MGAT4C: variants seen among roughly 807,000 people sequenced by gnomAD.
The protein encoded by MGAT4C is MGAT4 family member C.
A neutral mutation model predicts 40.1 loss-of-function variants in MGAT4C; 19 were observed. That is an observed-to-expected ratio of 0.47 (90% CI 0.33 to 0.70). MGAT4C has a LOEUF of 0.70. MGAT4C is among the 30% of genes least tolerant of loss of function. The pLI is 0.02. For synonymous variants in MGAT4C, 181 were observed against 187.1 expected (o/e 0.97, Z 0.27); for missense variants, 491 against 563.2 (o/e 0.87, Z 1.30).
At chr12:86,643,737 A>C (rs1221147176) in intron 2 of MGAT4C, among the ~76,000 whole-genome samples, 2 of 151,828 alleles carry the variant, frequency 1.3e-5, no homozygotes, top group Admixed American at 6.6e-5. Flanking sequence ...GGGTTAATGA[A>C]GATATTCTGG....
intron 2 of MGAT4C, among the ~76,000 whole-genome samples, chr12:86,479,558 T>A (rs954157431): frequency 1.3e-5 from 2 of 151,634 alleles, no homozygotes; most frequent in South Asian, 2.1e-4. Flanking sequence ...ACCTTAGCTA[T>A]TTTTTTTATA....
chr12:86,008,373 C>G (rs1209304800), intron 2 of MGAT4C, among the ~76,000 whole-genome samples: 1 of 151,828 alleles, frequency 6.6e-6, no homozygotes, highest in African/African-American at 2.4e-5. Flanking sequence ...ATCTTTCATG[C>G]CTGTAAAATT....
chr12:86,303,255 T>G lies in MGAT4C; in HGVS notation c.-57+30810A>C, dbSNP rs927541015. Among the ~76,000 whole-genome samples the G allele has an allele frequency of 2.0e-5, 3 of 150,600 alleles. 1 individual carries two copies. The highest frequency in any genetic ancestry group is 7.5e-5 in the African/African-American group (3 of 40,000). ...AATCTAAGATGTTATTATTAATTGA[T>G]TATGTCTGTATTCCTTTCTCCAGAG... is the stretch of plus-strand genomic sequence containing the variant. On this transcript the variant is annotated intron_variant, in intron 4 of 7. Coordinates refer to the MGAT4C transcript ENST00000548651.
intron 3 of MGAT4C, among the ~76,000 whole-genome samples, chr12:86,406,100 C>T (rs1180325800): frequency 6.8e-6 from 1 of 146,776 alleles, no homozygotes; most frequent in African/African-American, 2.5e-5. Flanking sequence ...ACTTAAGTTT[C>T]ACCTAGTAAA....
chr12:86,378,993 A>G (rs555326385), intron 3 of MGAT4C, among the ~76,000 whole-genome samples: 37 of 152,248 alleles, frequency 2.4e-4, no homozygotes, highest in Admixed American at 4.6e-4. Context: ...TCTGAACTCT[A>G]TCTTTTGCCA....
chr12:86,711,978 T>C (rs1264125861), intron 2 of MGAT4C, among the ~76,000 whole-genome samples: 1 of 152,168 alleles, frequency 6.6e-6, no homozygotes, highest in Non-Finnish European at 1.5e-5. Flanking sequence ...ACTACAATTT[T>C]AAATGGAGAG....
chr12:86,463,195 C>T (rs1957628071), intron 2 of MGAT4C, among the ~76,000 whole-genome samples: 1 of 152,068 alleles, frequency 6.6e-6, no homozygotes, highest in South Asian at 2.1e-4. Flanking sequence ...TTTGCTATAT[C>T]CTTTCCATCA....
At chr12:86,728,796 TCTA>T (rs1950863655) in intron 1 of MGAT4C, among the ~76,000 whole-genome samples, 2 of 152,236 alleles carry the variant, frequency 1.3e-5, no homozygotes, top group Non-Finnish European at 2.9e-5. Context: ...AACATTATTG[TCTA>T]GTGTACAAAT....
chr12:86,712,776 C>A (rs549425847), intron 2 of MGAT4C, among the ~76,000 whole-genome samples: 2 of 152,162 alleles, frequency 1.3e-5, no homozygotes, highest in East Asian at 1.9e-4. Context: ...TGAGTTCACA[C>A]ATAAAAGGTA....
intron 3 of MGAT4C, among the ~76,000 whole-genome samples, chr12:86,351,808 C>T (rs950039395): frequency 3.3e-5 from 5 of 151,932 alleles, no homozygotes; most frequent in South Asian, 2.1e-4. Context: ...ACATGGAAAA[C>T]GCATTTGATA....
At chr12:86,681,975 T>C (rs1384406282) in intron 2 of MGAT4C, among the ~76,000 whole-genome samples, 9 of 151,982 alleles carry the variant, frequency 5.9e-5, no homozygotes, top group Non-Finnish European at 7.4e-5. Flanking sequence ...AATTAACCTA[T>C]AGAGACAATA....
chr12:86,402,349 C>A (rs1001072243), intron 3 of MGAT4C, among the ~76,000 whole-genome samples: 7 of 152,026 alleles, frequency 4.6e-5, no homozygotes, highest in African/African-American at 7.2e-5. Context: ...TACTTGAACC[C>A]AGGAGGTGGA....
At position 85,970,978 on chromosome 12, in the gene MGAT4C, TTTGTG is replaced by T. The variant is rs780473879; in HGVS notation, c.*8306_*8310del. On this transcript the variant is annotated 3_prime_UTR_variant, in exon 5 of 5. Transcript: ENST00000611864. The stretch of plus-strand genomic sequence containing the variant: ...TGAAAAAGTGGTATGAGGACTATTG[TTTGTG>T]TTAAGTGAAATTATACCTTGTAAAA... The T allele has an allele frequency of 2.1e-4, 32 of 151,252 alleles. No homozygotes were observed. Among genetic ancestry groups the T allele is most frequent in the Non-Finnish European group, 4.2e-4 (28 of 67,294 alleles). 9.4% of individuals were successfully genotyped at this position (151,252 alleles called of 1,614,324 possible).
intron 1 of MGAT4C, among the ~76,000 whole-genome samples, chr12:86,779,844 T>A (rs988453894): frequency 1.3e-5 from 2 of 151,764 alleles, no homozygotes; most frequent in Non-Finnish European, 2.9e-5. Flanking sequence ...ACCCAGGAGG[T>A]GGAGCTTGCT....
intron 1 of MGAT4C, among the ~76,000 whole-genome samples, chr12:86,796,980 T>G (rs1393566799): frequency 6.6e-6 from 1 of 151,936 alleles, no homozygotes; most frequent in Non-Finnish European, 1.5e-5. Context: ...GTTCTCTGCC[T>G]CCAGGTGGTA....
At chr12:86,749,183 T>C (rs1002410091) in intron 1 of MGAT4C, among the ~76,000 whole-genome samples, 1 of 151,830 alleles carries the variant, frequency 6.6e-6, no homozygotes, top group African/African-American at 2.4e-5. Context: ...TTCTCAGTAG[T>C]TAAATATTTA....
chr12:86,198,577 A>G (rs996450231), intron 1 of MGAT4C, among the ~76,000 whole-genome samples: 2 of 152,080 alleles, frequency 1.3e-5, no homozygotes, highest in African/African-American at 4.8e-5. Flanking sequence ...TTACTGGGGT[A>G]TTTTTAAGTC....
At chr12:86,628,699 G>C (rs556059831) in intron 2 of MGAT4C, among the ~76,000 whole-genome samples, 1 of 152,226 alleles carries the variant, frequency 6.6e-6, no homozygotes, top group East Asian at 1.9e-4. Context: ...CAAATGCTGA[G>C]AGGTTTTGTC....
At chr12:86,025,469 A>G (rs1024448803) in intron 2 of MGAT4C, among the ~76,000 whole-genome samples, 1 of 151,764 alleles carries the variant, frequency 6.6e-6, no homozygotes, top group Non-Finnish European at 1.5e-5. Flanking sequence ...TTAAATTTCT[A>G]TATTCAATAA....
Sources: gnomAD v4.1 joint callset for allele counts (sites outside exome capture counted in the v4.1 genomes callset) on GRCh38, gnomAD v4.1.1 for gene constraint, MANE v1.5 for transcripts, NCBI Gene and HGNC (gene_info 2026-07-23, HGNC 2026-07-21) for gene names.